TMPRSS3: variants seen among roughly 807,000 people sequenced by gnomAD.
TMPRSS3 encodes the protein transmembrane protease serine 3.
Under a neutral mutation model 59.6 loss-of-function variants are expected in TMPRSS3, and 55 were observed. The ratio of observed to expected loss-of-function variants is 0.92; its 90% CI spans 0.74 to 1.16. The LOEUF (loss-of-function observed/expected upper bound fraction) is 1.16. TMPRSS3 is among the 50% of genes most tolerant of loss of function. The pLI is 0.00. For missense variants in TMPRSS3, 596 were observed against 579.4 expected (o/e 1.03, Z -0.29); for synonymous variants, 257 against 237.7 (o/e 1.08, Z -0.75).
chr21:42,392,742 C>T (rs886145955), intron 2 of TMPRSS3, among the ~76,000 whole-genome samples: 11 of 152,240 alleles, frequency 7.2e-5, no homozygotes, highest in Non-Finnish European at 1.5e-4. Flanking sequence ...TCGTCTTATA[C>T]TTAGAAATCT....
At position 42,375,793 on chromosome 21, in the gene TMPRSS3, C is replaced by T. The variant is rs751253556; in HGVS notation, c.1267G>A (p.Gly423Ser). 2.0e-5 allele frequency: 33 copies of T among 1,613,746 alleles called. No homozygotes were observed. The highest frequency in any genetic ancestry group is 1.3e-4 in the South Asian group (12 of 91,080). ...CCAGGCTTGTTCACCTCTGCGCAGC[C>T]GATGCCAAAGCTGGTCGCTCCCACT... ...KLVGATSFGI[G>S]CAEVNKPGVY... is the part of the protein sequence containing the mutation. The change falls in exon 12 of 13, where the codon GGC (glycine) becomes AGC (serine). Residue 423 changes from glycine (G) to serine (S), a missense_variant. By Grantham distance (56) the Gly-to-Ser change is moderately conservative (BLOSUM62 0). Transcript: ENST00000644384.
Position 42,371,904 on chromosome 21 carries a change from ATAT to A in TMPRSS3, c.*855_*857del. On this transcript the variant is annotated 3_prime_UTR_variant, in exon 13 of 13. Transcript: ENST00000644384. ...ACGCCAGACAATGAGGGAAGGAAACATATTATTTGGAATCAAAGGACAATAATA... is the reference window on the plus strand; with the variant it reads ...ACGCCAGACAATGAGGGAAGGAAACATATTTGGAATCAAAGGACAATAATA... The A allele has an allele frequency of 2.2e-6, 1 of 453,576 alleles. No homozygotes were observed. Among genetic ancestry groups the A allele is most frequent in the South Asian group, 1.6e-5 (1 of 64,468 alleles). The allele number at this position is 453,576 out of a possible 1,614,324, so 28.1% of individuals were successfully genotyped here. A position where few individuals can be genotyped will look rare whatever the true frequency, so the allele number is the denominator to read the frequency against.
intron 9 of TMPRSS3, among the ~76,000 whole-genome samples, chr21:42,381,068 C>G (rs1029394232): frequency 3.9e-5 from 6 of 152,174 alleles, no homozygotes; most frequent in African/African-American, 1.4e-4. Context: ...CCAGGTAGAG[C>G]CTGCAGCTGG....
chr21:42,390,290 A>G, intron 2 of TMPRSS3: 1 of 488,514 alleles, frequency 2.0e-6, no homozygotes, highest in Non-Finnish European at 3.8e-6. Flanking sequence ...AGTATCCCCC[A>G]GAAAGACACG....
chr21:42,381,655 C>T (rs1426693025), intron 9 of TMPRSS3, among the ~76,000 whole-genome samples: 1 of 152,186 alleles, frequency 6.6e-6, no homozygotes, highest in Non-Finnish European at 1.5e-5. Flanking sequence ...GAAGGTGGCA[C>T]CAGACAAAGC....
At chr21:42,381,834 T>C (rs1291376857) in intron 9 of TMPRSS3, 4 of 664,026 alleles carry the variant, frequency 6.0e-6, no homozygotes, top group East Asian at 5.5e-5. Flanking sequence ...GAGAGCCACA[T>C]TGTCCAGGAT....
At chr21:42,389,877 A>G in intron 3 of TMPRSS3, 50 bp downstream of exon 3, 1 of 1,407,130 alleles carries the variant, frequency 7.1e-7, no homozygotes, top group Non-Finnish European at 1.0e-6. Context: ...TGAAAGTTTA[A>G]CTACTTGGCT....
chr21:42,381,832 C>T, intron 9 of TMPRSS3: 1 of 663,776 alleles, frequency 1.5e-6, no homozygotes, highest in Non-Finnish European at 2.7e-6. Context: ...ATGAGAGCCA[C>T]ATTGTCCAGG....
rs182144926 is a variant in TMPRSS3, at chr21:42,378,753, T to A, written c.1048+1364A>T. Among the ~76,000 whole-genome samples the A allele has an allele frequency of 9.8e-5, 15 of 152,302 alleles. No individual in the cohort carries two copies. In the East Asian group the frequency reaches 2.9e-3, roughly 29 times the overall value. On this transcript the variant is annotated intron_variant, in intron 10 of 12. Coordinates refer to ENST00000644384, the MANE Select transcript of TMPRSS3 (RefSeq NM_001256317.3). Reference sequence around the variant, plus strand: ...TTTTTTTAAACGCAAAGTCTCACTCTGTCACCCAGGATGGAGTATGATGGC... The same window carrying A: ...TTTTTTTAAACGCAAAGTCTCACTCAGTCACCCAGGATGGAGTATGATGGC...
chr21:42,383,070 G>T lies in TMPRSS3; in HGVS notation c.745C>A (p.Pro249Thr). ...YHLCGGSVIT[P>T]LWIITAAHCV... ...TGTGCAGCAGTGATGATCCACAGGG[G>T]CGTGATGACAGAGCCCCCGCACAGG... The change falls in exon 8 of 13, where the codon CCC (proline) becomes ACC (threonine). Residue 249 changes from proline to threonine, a missense_variant. Coordinates refer to ENST00000644384, the MANE Select transcript of TMPRSS3 (RefSeq NM_001256317.3). The T allele has an allele frequency of 6.2e-7, 1 of 1,614,172 alleles. No homozygotes were observed. Among genetic ancestry groups the T allele is most frequent in the African/African-American group, 1.3e-5 (1 of 75,064 alleles).
In TMPRSS3 at chr21:42,388,453, G is replaced by A; in HGVS notation, c.396C>T (p.Asp132=). The change falls in exon 5 of 13, where the codon GAC becomes GAT. Residue 132 remains aspartate (D), a synonymous_variant. Coordinates refer to ENST00000644384, the MANE Select transcript of TMPRSS3 (RefSeq NM_001256317.3). This position sits in a 1 kb window ranked among gnomAD's most constrained non-coding sequence, Gnocchi z 5.1. ...AASWKTMCSD[D]WKGHYANVAC... Reference sequence around the variant, plus strand: ...CAACATTTGCGTAGTGACCCTTCCAGTCATCGGAGCACATGGTCTTCCACG... The same window carrying A: ...CAACATTTGCGTAGTGACCCTTCCAATCATCGGAGCACATGGTCTTCCACG... 1 of 1,614,220 alleles carries A rather than the reference G, an allele frequency of 6.2e-7. No individual in the cohort carries two copies. The highest frequency in any genetic ancestry group is 8.5e-7 in the Non-Finnish European group (1 of 1,180,036).
At position 42,388,598 on chromosome 21, in the gene TMPRSS3, C is replaced by T. The variant is rs2052676341; in HGVS notation, c.323-72G>A. The T allele has an allele frequency of 6.2e-7, 1 of 1,610,422 alleles. No individual in the cohort carries two copies. Among genetic ancestry groups the T allele is most frequent in the East Asian group, 2.2e-5 (1 of 44,858 alleles). On this transcript the variant is annotated intron_variant, in intron 4 of 12. Transcript: ENST00000644384. This position sits in a 1 kb window ranked among gnomAD's most constrained non-coding sequence, Gnocchi z 5.1. ...CTGAGACCATAGGCAGGGGTTTCTC[C>T]ACAGCCAGCTCAAACCCCTCCTCTG... is the stretch of plus-strand genomic sequence containing the variant.
At chr21:42,390,691 A>G (rs899185107) in intron 2 of TMPRSS3, among the ~76,000 whole-genome samples, 1 of 152,172 alleles carries the variant, frequency 6.6e-6, no homozygotes, top group Non-Finnish European at 1.5e-5. Context: ...TCGCACTGCT[A>G]CACTCCAGCC....
chr21:42,376,788 G>A, intron 10 of TMPRSS3, 105 bp from the exon 11 acceptor site: 2 of 1,548,412 alleles, frequency 1.3e-6, no homozygotes, highest in Non-Finnish European at 1.8e-6. Context: ...GGACGAGGGG[G>A]ATGCTCTCTG....
chr21:42,381,005 A>G (rs966699262), intron 9 of TMPRSS3, among the ~76,000 whole-genome samples: 1 of 152,188 alleles, frequency 6.6e-6, no homozygotes, highest in Admixed American at 6.5e-5. Flanking sequence ...TTCTCTGGAA[A>G]TATTTGTTTC....
At chr21:42,395,881 G>T (rs948036258) in intron 1 of TMPRSS3, 61 bp downstream of exon 1, 6 of 499,730 alleles carry the variant, frequency 1.2e-5, no homozygotes, top group Admixed American at 6.2e-5. Context: ...CCACATAAAC[G>T]CAATTCTTTC....
At position 42,372,573 on chromosome 21, in the gene TMPRSS3, A is replaced by G. The variant is rs114813487; in HGVS notation, c.*189T>C. ...AGACTCCATCTCAAAAAAACAAAAA[A>G]CAAAAAGCAGCTTGAAGGTTGTGCT... On this transcript the variant is annotated 3_prime_UTR_variant, in exon 13 of 13. Coordinates refer to ENST00000644384, the MANE Select transcript of TMPRSS3 (RefSeq NM_001256317.3). The G allele has an allele frequency of 3.5e-3, 2,608 of 753,430 alleles. 57 individuals carry two copies. The African/African-American group carries it at 0.039, about 11-fold the overall frequency. 46.7% of individuals were successfully genotyped at this position (753,430 alleles called of 1,614,324 possible). A position where few individuals can be genotyped will look rare whatever the true frequency, so the allele number is the denominator to read the frequency against.
At chr21:42,377,926 G>A (rs908345858) in intron 10 of TMPRSS3, among the ~76,000 whole-genome samples, 16 of 152,248 alleles carry the variant, frequency 1.1e-4, no homozygotes, top group Non-Finnish European at 1.3e-4. Context: ...AATCGGCAGC[G>A]GGATGGAGAA....
chr21:42,375,288 T>G (rs571472333), intron 12 of TMPRSS3, among the ~76,000 whole-genome samples: 116 of 132,636 alleles, frequency 8.7e-4, no homozygotes, highest in Non-Finnish European at 1.6e-3. Context: ...CTGCCTCTCA[T>G]CCCTGGCTCC....
Sources: gnomAD v4.1 joint callset for allele counts (sites outside exome capture counted in the v4.1 genomes callset) on GRCh38, gnomAD v4.1.1 for gene constraint, Gnocchi (gnomAD v3.1) non-coding constraint, MANE v1.5 for transcripts, NCBI Gene and HGNC (gene_info 2026-07-23, HGNC 2026-07-21) for gene names.